TUNAR: variants seen among roughly 807,000 people sequenced by gnomAD.
TUNAR encodes the protein protein TUNAR.
exon 3 of TUNAR, chr14:95,922,799 A>T: frequency 7.5e-6 from 3 of 399,088 alleles, no homozygotes; most frequent in Non-Finnish European, 1.3e-5. Flanking sequence ...GGCAAGGAAG[A>T]TAAAGACATT....
At chr14:95,882,883 A>G (rs1889003500) in intron 2 of TUNAR, among the ~76,000 whole-genome samples, 1 of 152,232 alleles carries the variant, frequency 6.6e-6, no homozygotes, top group Non-Finnish European at 1.5e-5. Flanking sequence ...ATCAATATTG[A>G]TAAGTCTTAT....
intron 2 of TUNAR, among the ~76,000 whole-genome samples, chr14:95,878,042 C>T (rs969383920): frequency 1.3e-5 from 2 of 152,206 alleles, no homozygotes; most frequent in African/African-American, 2.4e-5. Context: ...ATCAAGGTTA[C>T]CTGCCCCTGG....
chr14:95,881,127 A>G (rs962433030), intron 2 of TUNAR, among the ~76,000 whole-genome samples: 1 of 152,162 alleles, frequency 6.6e-6, no homozygotes, highest in Non-Finnish European at 1.5e-5. Context: ...CCATGGCACT[A>G]AAAAAAGCAT....
At chr14:95,911,249 G>A (rs896172589) in intron 2 of TUNAR, among the ~76,000 whole-genome samples, 1 of 152,086 alleles carries the variant, frequency 6.6e-6, no homozygotes, top group African/African-American at 2.4e-5. Context: ...CTTCACATCT[G>A]CCAGTCCCCT....
chr14:95,898,279 C>T (rs1411105873), intron 2 of TUNAR, among the ~76,000 whole-genome samples: 2 of 152,184 alleles, frequency 1.3e-5, no homozygotes, highest in African/African-American at 4.8e-5. Flanking sequence ...TATTTATTCT[C>T]TATTTGTCTT....
intron 2 of TUNAR, among the ~76,000 whole-genome samples, chr14:95,881,158 A>C (rs2139650713): frequency 6.6e-6 from 1 of 152,328 alleles, no homozygotes; most frequent in East Asian, 1.9e-4. Context: ...TGACGTAAGT[A>C]GCATACGGAG....
chr14:95,882,648 G>T (rs1888998751), intron 2 of TUNAR, among the ~76,000 whole-genome samples: 1 of 152,188 alleles, frequency 6.6e-6, no homozygotes, highest in African/African-American at 2.4e-5. Flanking sequence ...GTGAGGGTCA[G>T]TGTATTTCCA....
chr14:95,890,790 A>G (rs562713375), intron 2 of TUNAR, among the ~76,000 whole-genome samples: 1 of 152,236 alleles, frequency 6.6e-6, no homozygotes, highest in African/African-American at 2.4e-5. Flanking sequence ...TAGAATCGTG[A>G]AAGTATTTTA....
At chr14:95,909,353 G>A (rs140645225) in intron 2 of TUNAR, among the ~76,000 whole-genome samples, 2,035 of 144,832 alleles carry the variant, frequency 0.014, 57 homozygotes, top group African/African-American at 0.05. Context: ...GCACGATCTC[G>A]GCTCACTACA....
intron 2 of TUNAR, among the ~76,000 whole-genome samples, chr14:95,898,382 C>T (rs1889296955): frequency 1.3e-5 from 2 of 152,184 alleles, no homozygotes; most frequent in South Asian, 4.1e-4. Context: ...ATTCATTGTT[C>T]TGGATGCCCA....
chr14:95,900,721 T>C (rs1191485768), intron 2 of TUNAR, among the ~76,000 whole-genome samples: 2 of 152,204 alleles, frequency 1.3e-5, no homozygotes, highest in Non-Finnish European at 2.9e-5. Flanking sequence ...CAGTTCTACA[T>C]AGCCTTGGAG....
chr14:95,921,540 A>G (rs534990307), intron 2 of TUNAR, among the ~76,000 whole-genome samples: 57 of 152,360 alleles, frequency 3.7e-4, no homozygotes, highest in African/African-American at 1.2e-3. Context: ...TATTTTGATT[A>G]TTGCAATACA....
chr14:95,881,172 A>C (rs1201357842), intron 2 of TUNAR, among the ~76,000 whole-genome samples: 1 of 152,104 alleles, frequency 6.6e-6, no homozygotes, highest in African/African-American at 2.4e-5. Flanking sequence ...TACGGAGGTG[A>C]TTTTGCTGTC....
intron 2 of TUNAR, among the ~76,000 whole-genome samples, chr14:95,884,467 A>G (rs572966998): frequency 2.0e-5 from 3 of 152,240 alleles, no homozygotes; most frequent in East Asian, 3.9e-4. Flanking sequence ...TCTTGCCACT[A>G]TGCTGAAAAC....
At chr14:95,884,232 A>C (rs1185495532) in intron 2 of TUNAR, among the ~76,000 whole-genome samples, 3 of 152,120 alleles carry the variant, frequency 2.0e-5, no homozygotes, top group Non-Finnish European at 4.4e-5. Context: ...CCCTGTGCCC[A>C]ATAGTCAGGG....
At chr14:95,903,390 T>C (rs1012536223) in intron 2 of TUNAR, among the ~76,000 whole-genome samples, 1 of 152,156 alleles carries the variant, frequency 6.6e-6, no homozygotes, top group African/African-American at 2.4e-5. Flanking sequence ...CAGAAAGAGA[T>C]GATGACATCA....
intron 2 of TUNAR, among the ~76,000 whole-genome samples, chr14:95,914,187 T>G (rs1201939601): frequency 1.3e-5 from 2 of 152,138 alleles, no homozygotes; most frequent in African/African-American, 2.4e-5. Flanking sequence ...ATGGAGAGGG[T>G]GCACATCCAG....
chr14:95,888,643 C>T (rs755038813), intron 2 of TUNAR, among the ~76,000 whole-genome samples: 4 of 152,136 alleles, frequency 2.6e-5, no homozygotes, highest in Non-Finnish European at 5.9e-5. Flanking sequence ...ATACTGCCTA[C>T]CTGTAGTCTA....
At position 95,889,971 on chromosome 14, in the gene TUNAR, A is replaced by C. The variant is rs573172100; in HGVS notation, c.12+12794A>C. Reference sequence around the variant, plus strand: ...AGGGACACAAAGACAAAAAAAAAAAAAAAAAACTGACAAATGATTCTAAGC... The same window carrying C: ...AGGGACACAAAGACAAAAAAAAAAACAAAAAACTGACAAATGATTCTAAGC... On this transcript the variant is annotated intron_variant, in intron 2 of 2. Coordinates refer to ENST00000678517, the Ensembl canonical transcript of TUNAR. 1.2e-3 allele frequency among the ~76,000 whole-genome samples: 186 copies of C among 152,116 alleles called. 7 individuals are homozygous for C. The South Asian group carries it at 0.034, about 28-fold the overall frequency.
Sources: allele counts gnomAD v4.1 joint callset (sites outside exome capture counted in the v4.1 genomes callset), GRCh38; gene constraint gnomAD v4.1.1; transcripts MANE v1.5; gene names NCBI Gene and HGNC (gene_info 2026-07-23, HGNC 2026-07-21).